Variants in AGBL1 observed in about 807,000 individuals in gnomAD.
AGBL1 encodes the protein AGBL carboxypeptidase 1, also known as cytosolic carboxypeptidase 4.
A neutral mutation model predicts 118.9 loss-of-function variants in AGBL1; 130 were observed. The ratio of observed to expected loss-of-function variants is 1.09; its 90% CI spans 0.95 to 1.26. The LOEUF (loss-of-function observed/expected upper bound fraction) is 1.26. Among genes scored for constraint, AGBL1 ranks in the 50% most tolerant of loss-of-function variants. AGBL1 has a pLI of 0.00. For missense variants in AGBL1, 1,584 were observed against 1,298.1 expected, an observed-to-expected ratio of 1.22 and a Z score of -3.38; for synonymous variants, 555 against 478.9, an observed-to-expected ratio of 1.16 and a Z score of -2.08.
intron 21 of AGBL1, among the ~76,000 whole-genome samples, chr15:86,648,847 G>T (rs1283678481): frequency 2.0e-5 from 3 of 152,112 alleles, no homozygotes; most frequent in African/African-American, 4.8e-5. Context: ...GTAAGAACTG[G>T]CTATCAGATT....
chr15:86,221,621 C>G (rs1207030703), intron 5 of AGBL1, among the ~76,000 whole-genome samples: 2 of 152,188 alleles, frequency 1.3e-5, no homozygotes, highest in African/African-American at 4.8e-5. Flanking sequence ...ACATGAGCGA[C>G]TCGATGTCTG....
In AGBL1 at chr15:86,727,466, T is replaced by C. The variant is rs542937209; in HGVS notation, c.3158+53030T>C. 3.9e-5 allele frequency among the ~76,000 whole-genome samples: 6 copies of C among 152,320 alleles called. No individual in the cohort carries two copies. In the East Asian group the frequency reaches 1.2e-3, roughly 29 times the overall value. On this transcript the variant is annotated intron_variant, in intron 22 of 22. Transcript: ENST00000614907. ...ATTCTATGTTTTATGGCCCTGACAC[T>C]GGACTATCAACTAATGAACATAGTC...
At chr15:86,906,875 C>G (rs1235395772) in intron 22 of AGBL1, among the ~76,000 whole-genome samples, 2 of 152,144 alleles carry the variant, frequency 1.3e-5, no homozygotes, top group Non-Finnish European at 2.9e-5. Flanking sequence ...TTTAAAGGAG[C>G]AGTGATCTGA....
intron 22 of AGBL1, among the ~76,000 whole-genome samples, chr15:86,840,138 T>C (rs989762708): frequency 6.6e-6 from 1 of 152,214 alleles, no homozygotes. Context: ...ATCTAATTAA[T>C]GTGAATTCTA....
chr15:86,208,010 GTTT>G (rs57733321), intron 5 of AGBL1, among the ~76,000 whole-genome samples: 7 of 150,328 alleles, frequency 4.7e-5, no homozygotes, highest in Non-Finnish European at 7.4e-5. Context: ...TTTATTGAGA[GTTT>G]TTTTTTTTAG....
chr15:86,142,349 A>G (rs1020293358), intron 2 of AGBL1, among the ~76,000 whole-genome samples: 1 of 152,164 alleles, frequency 6.6e-6, no homozygotes, highest in African/African-American at 2.4e-5. Flanking sequence ...GCTCGCTTCC[A>G]TTGTGACCTA....
intron 22 of AGBL1, among the ~76,000 whole-genome samples, chr15:86,828,476 G>A (rs2079062103): frequency 6.6e-6 from 1 of 152,062 alleles, no homozygotes; most frequent in Non-Finnish European, 1.5e-5. Context: ...GATTAGAAGG[G>A]CCAGAGTCAG....
intron 5 of AGBL1, among the ~76,000 whole-genome samples, chr15:86,161,836 A>G (rs912934566): frequency 6.6e-6 from 1 of 152,206 alleles, no homozygotes; most frequent in Non-Finnish European, 1.5e-5. Context: ...TCCTTCTACC[A>G]GATTCCTTGG....
intron 17 of AGBL1, among the ~76,000 whole-genome samples, chr15:86,338,466 A>G (rs2080408619): frequency 6.6e-6 from 1 of 151,980 alleles, no homozygotes. Flanking sequence ...GAAGAGTGAT[A>G]CGTTATGTTT....
At chr15:86,723,824 A>T (rs1371255216) in intron 22 of AGBL1, among the ~76,000 whole-genome samples, 1 of 152,108 alleles carries the variant, frequency 6.6e-6, no homozygotes, top group East Asian at 1.9e-4. Context: ...GGGGAGTGAA[A>T]AGGTGGCAGG....
At chr15:86,413,040 C>CT (rs1279133531) in intron 18 of AGBL1, among the ~76,000 whole-genome samples, 2 of 152,076 alleles carry the variant, frequency 1.3e-5, no homozygotes, top group Admixed American at 1.3e-4. Context: ...CAGTTTCTTT[C>CT]TTTTTTTATT....
chr15:86,423,209 C>T (rs558173257), intron 18 of AGBL1, among the ~76,000 whole-genome samples: 2 of 152,192 alleles, frequency 1.3e-5, no homozygotes, highest in African/African-American at 4.8e-5. Flanking sequence ...CAAACTGAAT[C>T]TAGCAGCACA....
intron 22 of AGBL1, among the ~76,000 whole-genome samples, chr15:86,682,254 C>T (rs976927559): frequency 6.6e-6 from 1 of 152,134 alleles, no homozygotes; most frequent in African/African-American, 2.4e-5. Context: ...CATTAAATGG[C>T]TCCCTAACTG....
chr15:86,566,314 C>T (rs2142299532), intron 21 of AGBL1, among the ~76,000 whole-genome samples: 1 of 152,306 alleles, frequency 6.6e-6, no homozygotes, highest in East Asian at 1.9e-4. Context: ...GGAGAAAGTG[C>T]TCTGCTTTTA....
intron 22 of AGBL1, among the ~76,000 whole-genome samples, chr15:86,868,647 C>T (rs567647972): frequency 3.2e-4 from 48 of 152,218 alleles, no homozygotes; most frequent in African/African-American, 9.4e-4. Flanking sequence ...CTATCTAGAA[C>T]GACATTAAAC....
chr15:86,328,411 T>A (rs1172936535), intron 17 of AGBL1, among the ~76,000 whole-genome samples: 3 of 152,230 alleles, frequency 2.0e-5, no homozygotes, highest in Admixed American at 6.5e-5. Context: ...ACTTTTTATT[T>A]CAAATAAAAC....
chr15:86,725,289 T>C (rs2086802587), intron 22 of AGBL1, among the ~76,000 whole-genome samples: 1 of 152,200 alleles, frequency 6.6e-6, no homozygotes, highest in African/African-American at 2.4e-5. Flanking sequence ...ATGAAACTAA[T>C]GCACAGAGAC....
chr15:86,749,057 G>A (rs1460708555), intron 22 of AGBL1, among the ~76,000 whole-genome samples: 1 of 152,128 alleles, frequency 6.6e-6, no homozygotes, highest in Non-Finnish European at 1.5e-5. Context: ...AAAGTCATTG[G>A]TAGCTTGATG....
At chr15:86,807,191 C>T (rs549108555) in intron 22 of AGBL1, among the ~76,000 whole-genome samples, 123 of 152,240 alleles carry the variant, frequency 8.1e-4, no homozygotes, top group African/African-American at 2.9e-3. Flanking sequence ...GCCATGCATT[C>T]GTTACAAGCA....
Sources: allele counts gnomAD v4.1 joint callset (sites outside exome capture counted in the v4.1 genomes callset), GRCh38; gene constraint gnomAD v4.1.1; transcripts MANE v1.5; gene names NCBI Gene and HGNC (gene_info 2026-07-23, HGNC 2026-07-21).